Variants in MAP4K4 observed in about 807,000 individuals in gnomAD.
The protein encoded by MAP4K4 is mitogen-activated protein kinase kinase kinase kinase 4, also known as HPK/GCK-like kinase HGK.
MAP4K4 carries 38 observed loss-of-function variants against 189.6 expected under a neutral mutation model. That is an observed-to-expected ratio of 0.20 (90% CI 0.15 to 0.26). The LOEUF (loss-of-function observed/expected upper bound fraction) is 0.26, where lower values mean the gene tolerates loss of function less well. Among genes scored for constraint, MAP4K4 ranks in the 10% least tolerant of loss-of-function variants. MAP4K4 has a pLI of 1.00. For synonymous variants in MAP4K4, 610 were observed against 624.3 expected, an observed-to-expected ratio of 0.98 and a Z score of 0.34; for missense variants, 1,054 against 1,726.9, an observed-to-expected ratio of 0.61 and a Z score of 6.91.
intron 12 of MAP4K4, among the ~76,000 whole-genome samples, chr2:101,850,883 A>G (rs915159117): frequency 5.3e-5 from 8 of 152,040 alleles, no homozygotes; most frequent in Non-Finnish European, 7.3e-5. Context: ...CTGTAGCTTC[A>G]TCAGAACTTA....
At chr2:101,835,130 A>G (rs2096710611) in intron 8 of MAP4K4, among the ~76,000 whole-genome samples, 1 of 152,256 alleles carries the variant, frequency 6.6e-6, no homozygotes, top group Non-Finnish European at 1.5e-5. Context: ...ATTAGTTTTC[A>G]GTATAGAAAT....
intron 2 of MAP4K4, among the ~76,000 whole-genome samples, chr2:101,745,295 T>C (rs2064732866): frequency 6.8e-6 from 1 of 146,064 alleles, no homozygotes; most frequent in Non-Finnish European, 1.5e-5. Context: ...TAAAATAAAT[T>C]GAATCAGAAA....
chr2:101,888,563 G>A (rs1355059489), intron 31 of MAP4K4, among the ~76,000 whole-genome samples: 1 of 152,064 alleles, frequency 6.6e-6, no homozygotes, highest in African/African-American at 2.4e-5. Flanking sequence ...GGCGTGAAAG[G>A]CCTAAGGAAA....
At chr2:101,780,046 AG>A (rs1195764133) in intron 2 of MAP4K4, among the ~76,000 whole-genome samples, 1 of 152,234 alleles carries the variant, frequency 6.6e-6, no homozygotes, top group African/African-American at 2.4e-5. Flanking sequence ...TTTTTACAAT[AG>A]TTCAGGGACA....
At chr2:101,703,886 C>T (rs1222260046) in intron 2 of MAP4K4, among the ~76,000 whole-genome samples, 1 of 151,960 alleles carries the variant, frequency 6.6e-6, no homozygotes, top group Non-Finnish European at 1.5e-5. Context: ...TGGCGCGTGC[C>T]TCTAGTCCCA....
At chr2:101,740,147 T>C (rs1265757658) in intron 2 of MAP4K4, among the ~76,000 whole-genome samples, 3 of 96,674 alleles carry the variant, frequency 3.1e-5, no homozygotes, top group Non-Finnish European at 5.2e-5. Context: ...TTGCTTTATA[T>C]CATCTTTTTT....
chr2:101,885,054 T>G, intron 28 of MAP4K4, 133 bp from the exon 29 acceptor site: 1 of 469,932 alleles, frequency 2.1e-6, no homozygotes, highest in South Asian at 4.1e-5. Context: ...CTCTCTGAAT[T>G]TTTCCCCTGC....
chr2:101,738,282 G>A (rs2061291992), intron 2 of MAP4K4, among the ~76,000 whole-genome samples: 1 of 152,092 alleles, frequency 6.6e-6, no homozygotes, highest in Admixed American at 6.5e-5. Flanking sequence ...AAGAAGTTAG[G>A]TAAACAGCTT....
chr2:101,834,953 C>T (rs980291441), intron 8 of MAP4K4, among the ~76,000 whole-genome samples: 4 of 151,998 alleles, frequency 2.6e-5, no homozygotes, highest in South Asian at 4.2e-4. Flanking sequence ...TTGTTGATCA[C>T]GGATGAGGTA....
exon 33 of MAP4K4, chr2:101,894,346 T>C (rs956909012): frequency 6.5e-6 from 1 of 152,794 alleles, no homozygotes; most frequent in South Asian, 2.1e-4. Flanking sequence ...TTTTTTACTC[T>C]TTTCTCATGC....
At chr2:101,703,557 G>A (rs1327587568) in intron 2 of MAP4K4, among the ~76,000 whole-genome samples, 14 of 139,008 alleles carry the variant, frequency 1.0e-4, no homozygotes, top group African/African-American at 3.5e-4. Flanking sequence ...GGTGGAGGTT[G>A]CAGAGAACTG....
chr2:101,892,326 A>T (rs2098582754), exon 33 of MAP4K4: 1 of 152,934 alleles, frequency 6.5e-6, no homozygotes, highest in Non-Finnish European at 1.5e-5. Context: ...TTTGACTTTT[A>T]TTGTCACAAA....
At chr2:101,761,622 G>C (rs1258256240) in intron 2 of MAP4K4, among the ~76,000 whole-genome samples, 1 of 149,238 alleles carries the variant, frequency 6.7e-6, no homozygotes, top group African/African-American at 2.5e-5. Flanking sequence ...GCAATGGCAT[G>C]ATCTCGGATC....
chr2:101,829,648 T>C (rs1278946213), intron 6 of MAP4K4, 54 bp downstream of exon 6: 2 of 1,232,558 alleles, frequency 1.6e-6, no homozygotes, highest in African/African-American at 1.5e-5. Context: ...ACAAGCCAGC[T>C]GCACTCCCAG....
chr2:101,774,051 G>A (rs2082732918), intron 2 of MAP4K4, among the ~76,000 whole-genome samples: 2 of 150,622 alleles, frequency 1.3e-5, no homozygotes, highest in Admixed American at 1.3e-4. Flanking sequence ...TTGATATACT[G>A]ATTTCCTTTC....
intron 6 of MAP4K4, among the ~76,000 whole-genome samples, chr2:101,830,063 A>G (rs1041557518): frequency 2.0e-5 from 3 of 151,080 alleles, no homozygotes; most frequent in East Asian, 3.9e-4. Context: ...ACTATTTCCC[A>G]TTGGGAACAC....
At chr2:101,745,648 T>A (rs1428173274) in intron 2 of MAP4K4, among the ~76,000 whole-genome samples, 2 of 152,136 alleles carry the variant, frequency 1.3e-5, no homozygotes, top group Non-Finnish European at 2.9e-5. Context: ...CTGAAGCGCC[T>A]TCTATTTATT....
At chr2:101,766,492 G>A (rs748158800) in intron 2 of MAP4K4, among the ~76,000 whole-genome samples, 3 of 152,130 alleles carry the variant, frequency 2.0e-5, no homozygotes, top group South Asian at 4.1e-4. Context: ...TCTTTTAAAA[G>A]TGACTTCATG....
chr2:101,891,987 TAAAAAAAAAA>T (rs60620198), exon 33 of MAP4K4: 2 of 59,820 alleles, frequency 3.3e-5, no homozygotes, highest in East Asian at 6.0e-4. Flanking sequence ...CAGATGGTTC[TAAAAAAAAAA>T]AAAAAAAAAA....
Sources: allele counts gnomAD v4.1 joint callset (sites outside exome capture counted in the v4.1 genomes callset), GRCh38; gene constraint gnomAD v4.1.1; transcripts MANE v1.5; gene names NCBI Gene and HGNC (gene_info 2026-07-23, HGNC 2026-07-21).